The following ZNF385B variants were observed in gnomAD, a reference collection of about 807,000 sequenced individuals.
ZNF385B encodes the protein zinc finger protein 385B.
Under a neutral mutation model 39.2 loss-of-function variants are expected in ZNF385B, and 23 were observed. The ratio of observed to expected loss-of-function variants is 0.59; its 90% CI spans 0.42 to 0.83. The LOEUF is 0.83. Among genes scored for constraint, ZNF385B ranks in the 40% least tolerant of loss-of-function variants. The pLI, the probability that ZNF385B is intolerant of heterozygous loss-of-function variation, is 0.00. For missense variants in ZNF385B, 552 were observed against 598.9 expected (o/e 0.92, Z 0.82); for synonymous variants, 205 against 222.6 (o/e 0.92, Z 0.70).
intron 5 of ZNF385B, among the ~76,000 whole-genome samples, chr2:179,493,713 ATG>A (rs1489928783): frequency 3.9e-4 from 36 of 92,202 alleles, no homozygotes; most frequent in African/African-American, 1.2e-3. Context: ...GTATACACAT[ATG>A]CATATACGTA....
At chr2:179,846,765 C>A (rs961967980) in intron 1 of ZNF385B, among the ~76,000 whole-genome samples, 3 of 152,226 alleles carry the variant, frequency 2.0e-5, no homozygotes, top group Admixed American at 6.5e-5. Flanking sequence ...AGCTTTCAGG[C>A]AGGGGCTAAG....
chr2:179,638,069 C>T (rs1295624700), intron 3 of ZNF385B, among the ~76,000 whole-genome samples: 1 of 152,066 alleles, frequency 6.6e-6, no homozygotes, highest in African/African-American at 2.4e-5. Context: ...AAAAATTCTT[C>T]AATAGACTAT....
intron 3 of ZNF385B, among the ~76,000 whole-genome samples, chr2:179,594,194 G>T (rs1360196201): frequency 1.3e-5 from 2 of 152,120 alleles, no homozygotes; most frequent in Admixed American, 1.3e-4. Context: ...TAGATTAGTA[G>T]TTCGTTTAGA....
intron 6 of ZNF385B, among the ~76,000 whole-genome samples, chr2:179,475,324 C>T (rs2053290834): frequency 6.6e-6 from 1 of 150,630 alleles, no homozygotes; most frequent in African/African-American, 2.4e-5. Flanking sequence ...GAACTCGGCT[C>T]ACTGCAACCT....
At position 179,483,342 on chromosome 2, in the gene ZNF385B, G is replaced by A. The variant is rs777341557; in HGVS notation, c.645C>T (p.Ser215=). ...ATKNKPKMVP[S]KDSAKANPSC... ...TGGGATTAGCCTTTGCGCTGTCCTT[G>A]GAAGGAACCATTTTGGGTTTATTTT... The change falls in exon 6 of 10, where the codon TCC becomes TCT. Residue 215 remains serine, a synonymous_variant. Transcript: ENST00000410066. 4 of 1,613,986 alleles carry A rather than the reference G, an allele frequency of 2.5e-6. No individual in the cohort carries two copies. The highest frequency in any genetic ancestry group is 3.4e-6 in the Non-Finnish European group (4 of 1,179,940).
chr2:179,504,956 A>T lies in ZNF385B; in HGVS notation c.552+13572T>A, dbSNP rs2057119156. Among the ~76,000 whole-genome samples the T allele has an allele frequency of 2.0e-5, 3 of 152,104 alleles. No homozygotes were observed. The South Asian group carries it at 6.2e-4, about 31-fold the overall frequency. On this transcript the variant is annotated intron_variant, in intron 5 of 9. Coordinates refer to ENST00000410066, the MANE Select transcript of ZNF385B (RefSeq NM_152520.6). ...CCAGGTCCCACATGCAACACTGGGGATTAGGAGTCAACAAGAGATTGGGTG... is the reference window on the plus strand; with the variant it reads ...CCAGGTCCCACATGCAACACTGGGGTTTAGGAGTCAACAAGAGATTGGGTG...
chr2:179,839,070 G>T (rs193213564), intron 1 of ZNF385B, among the ~76,000 whole-genome samples: 7 of 152,274 alleles, frequency 4.6e-5, no homozygotes, highest in Non-Finnish European at 7.3e-5. Context: ...CCTTCAATCT[G>T]AATTCTTTCT....
At chr2:179,737,651 A>C (rs1359380592) in intron 3 of ZNF385B, among the ~76,000 whole-genome samples, 1 of 152,176 alleles carries the variant, frequency 6.6e-6, no homozygotes, top group East Asian at 1.9e-4. Flanking sequence ...TTGCAACCCC[A>C]CAGCTTTTAC....
At chr2:179,651,370 T>C (rs1181900238) in intron 3 of ZNF385B, among the ~76,000 whole-genome samples, 1 of 152,130 alleles carries the variant, frequency 6.6e-6, no homozygotes, top group East Asian at 1.9e-4. Context: ...ACACTAAGAA[T>C]GTCCAAAAAG....
At position 179,595,005 on chromosome 2, in the gene ZNF385B, T is replaced by C. The variant is rs192603375; in HGVS notation, c.299-50036A>G. On this transcript the variant is annotated intron_variant, in intron 3 of 9. Coordinates refer to ENST00000410066, the MANE Select transcript of ZNF385B (RefSeq NM_152520.6). The stretch of plus-strand genomic sequence containing the variant: ...AGTTAGAAACGACTAGAAAAAAACT[T>C]TGTAGACCTGTGATAATATGATAAA... 3.7e-4 allele frequency among the ~76,000 whole-genome samples: 56 copies of C among 152,236 alleles called. No homozygotes were observed. The East Asian group carries it at 0.01, about 27-fold the overall frequency.
chr2:179,602,053 A>C (rs1208436072), intron 3 of ZNF385B, among the ~76,000 whole-genome samples: 3 of 152,214 alleles, frequency 2.0e-5, no homozygotes, highest in Non-Finnish European at 4.4e-5. Context: ...GCATCAAATA[A>C]AATTAAATGT....
chr2:179,709,814 T>C (rs917363653), intron 3 of ZNF385B, among the ~76,000 whole-genome samples: 1 of 152,130 alleles, frequency 6.6e-6, no homozygotes, highest in African/African-American at 2.4e-5. Flanking sequence ...CCTAGAACCT[T>C]TGCCTCTACC....
chr2:179,668,740 T>C (rs936513912), intron 3 of ZNF385B, among the ~76,000 whole-genome samples: 1 of 152,246 alleles, frequency 6.6e-6, no homozygotes, highest in South Asian at 2.1e-4. Flanking sequence ...TTTTAATTTT[T>C]TGTGATGTAA....
chr2:179,446,915 C>T, intron 6 of ZNF385B, 145 bp from the exon 7 acceptor site: 6 of 997,798 alleles, frequency 6.0e-6, no homozygotes, highest in Non-Finnish European at 8.5e-6. Flanking sequence ...GAGGTTAAAT[C>T]AACCTCTATG....
chr2:179,724,591 T>C (rs1402485995), intron 3 of ZNF385B, among the ~76,000 whole-genome samples: 1 of 152,206 alleles, frequency 6.6e-6, no homozygotes, highest in African/African-American at 2.4e-5. Flanking sequence ...TGGAAAGCCA[T>C]TCATATAGGC....
intron 1 of ZNF385B, among the ~76,000 whole-genome samples, chr2:179,860,629 G>A (rs1684968803): frequency 6.6e-6 from 1 of 151,952 alleles, no homozygotes; most frequent in Non-Finnish European, 1.5e-5. Flanking sequence ...ACTCTCCCAC[G>A]ACCCCAAGCT....
intron 3 of ZNF385B, among the ~76,000 whole-genome samples, chr2:179,661,460 G>A (rs1694463133): frequency 6.6e-6 from 1 of 152,102 alleles, no homozygotes; most frequent in Admixed American, 6.6e-5. Flanking sequence ...TATAATTGTT[G>A]AGCCAATTCC....
chr2:179,851,666 T>G (rs1413951080), intron 1 of ZNF385B, among the ~76,000 whole-genome samples: 1 of 152,136 alleles, frequency 6.6e-6, no homozygotes, highest in Non-Finnish European at 1.5e-5. Flanking sequence ...ATGATCAGAG[T>G]TAGAGCTATT....
intron 3 of ZNF385B, among the ~76,000 whole-genome samples, chr2:179,639,768 T>G (rs1197622715): frequency 6.6e-6 from 1 of 152,144 alleles, no homozygotes; most frequent in African/African-American, 2.4e-5. Flanking sequence ...CTAAAACCAC[T>G]AGGGAAAAAT....
Sources: allele counts gnomAD v4.1 joint callset (sites outside exome capture counted in the v4.1 genomes callset), GRCh38; gene constraint gnomAD v4.1.1; transcripts MANE v1.5; gene names NCBI Gene and HGNC (gene_info 2026-07-23, HGNC 2026-07-21).